TRPS1: variants seen among roughly 807,000 people sequenced by gnomAD.
The protein encoded by TRPS1 is zinc finger transcription factor Trps1.
Under a neutral mutation model 101.2 loss-of-function variants are expected in TRPS1, and 6 were observed. That is an observed-to-expected ratio of 0.06 (90% CI 0.03 to 0.12). The LOEUF is 0.12. Among genes scored for constraint, TRPS1 ranks in the 10% least tolerant of loss-of-function variants. The pLI, the probability that TRPS1 is intolerant of heterozygous loss-of-function variation, is 1.00. For synonymous variants in TRPS1, 578 were observed against 589.8 expected (o/e 0.98, Z 0.29); for missense variants, 1,363 against 1,567.0 (o/e 0.87, Z 2.20).
At position 115,492,370 on chromosome 8, in the gene TRPS1, ATATC is replaced by A. The variant is rs200481491; in HGVS notation, c.2701-73922_2701-73919del. On this transcript the variant is annotated intron_variant, in intron 5 of 6. Coordinates refer to ENST00000395715, the MANE Select transcript of TRPS1 (RefSeq NM_014112.5). ...GAACAGACAGGGTTCCAGTGTTAGA[ATATC>A]TAAACATTTTGTCAGAAATAGGGAG... The A allele has an allele frequency of 3.1e-3, 1,226 of 401,624 alleles. 19 individuals carry two copies. Among genetic ancestry groups the A allele is most frequent in the African/African-American group, 0.024 (1,153 of 48,012 alleles). 24.9% of individuals were successfully genotyped at this position (401,624 alleles called of 1,614,324 possible).
At chr8:115,490,211 T>G (rs778000335) in intron 5 of TRPS1, among the ~76,000 whole-genome samples, 14 of 152,140 alleles carry the variant, frequency 9.2e-5, no homozygotes, top group Non-Finnish European at 1.5e-4. Context: ...TTCTTAAATG[T>G]CTGAATTCTC....
intron 1 of TRPS1, among the ~76,000 whole-genome samples, chr8:115,635,093 TAAAAGA>T (rs1005455749): frequency 1.3e-5 from 2 of 152,154 alleles, no homozygotes; most frequent in African/African-American, 2.4e-5. Context: ...GCTAACCAGT[TAAAAGA>T]TAGCACTGTT....
chr8:115,548,393 A>G (rs900195564), intron 5 of TRPS1, among the ~76,000 whole-genome samples: 1 of 151,968 alleles, frequency 6.6e-6, no homozygotes, highest in Non-Finnish European at 1.5e-5. Context: ...GCTGGAGTGT[A>G]GTGGTGCAAT....
chr8:115,428,585 A>C (rs2129817123), intron 5 of TRPS1, among the ~76,000 whole-genome samples: 1 of 152,332 alleles, frequency 6.6e-6, no homozygotes, highest in African/African-American at 2.4e-5. Context: ...AAAACAGTTA[A>C]AAGAGTTAAT....
chr8:115,529,494 T>C (rs1048292254), intron 5 of TRPS1, among the ~76,000 whole-genome samples: 6 of 152,164 alleles, frequency 3.9e-5, no homozygotes, highest in African/African-American at 1.4e-4. Context: ...CTCTTAAGAA[T>C]TGATTTTACA....
intron 1 of TRPS1, among the ~76,000 whole-genome samples, chr8:115,659,375 T>TC (rs1273574905): frequency 6.6e-6 from 1 of 151,720 alleles, no homozygotes; most frequent in East Asian, 1.9e-4. Context: ...CTTAACATAT[T>TC]CCGTATTTTT....
chr8:115,450,342 T>A (rs1317519927), intron 5 of TRPS1, among the ~76,000 whole-genome samples: 1 of 152,200 alleles, frequency 6.6e-6, no homozygotes, highest in Non-Finnish European at 1.5e-5. Context: ...GGAGCTGCTC[T>A]GAATGGCACA....
Position 115,437,872 on chromosome 8 carries a change from G to A in TRPS1, c.2701-19420C>T, listed in dbSNP as rs150430812. Among the ~76,000 whole-genome samples the A allele has an allele frequency of 6.7e-4, 102 of 152,252 alleles. 1 individual carries two copies. Among genetic ancestry groups the A allele is most frequent in the African/African-American group, 2.0e-3 (85 of 41,552 alleles). On this transcript the variant is annotated intron_variant, in intron 5 of 6. Coordinates refer to ENST00000395715, the MANE Select transcript of TRPS1 (RefSeq NM_014112.5). The stretch of plus-strand genomic sequence containing the variant: ...GATACAGGTCGGAGTCATAGAGATC[G>A]TGAGACTACTTTCTATATTCTTTCT...
intron 5 of TRPS1, among the ~76,000 whole-genome samples, chr8:115,564,432 A>G (rs1297744115): frequency 6.6e-6 from 1 of 152,124 alleles, no homozygotes; most frequent in Non-Finnish European, 1.5e-5. Flanking sequence ...AAGCAAAACA[A>G]AACAAAAACA....
chr8:115,483,613 C>A (rs558745498), intron 5 of TRPS1, among the ~76,000 whole-genome samples: 1 of 151,988 alleles, frequency 6.6e-6, no homozygotes, highest in South Asian at 2.1e-4. Context: ...GAGATTTAAG[C>A]TCCAAGTGGT....
At chr8:115,610,592 C>T (rs531451791) in intron 3 of TRPS1, among the ~76,000 whole-genome samples, 9 of 152,240 alleles carry the variant, frequency 5.9e-5, no homozygotes, top group South Asian at 4.2e-4. Context: ...AGCCAACCAA[C>T]GGCAGGGGAG....
At chr8:115,662,893 A>AT (rs1811838105) in intron 1 of TRPS1, among the ~76,000 whole-genome samples, 1 of 152,102 alleles carries the variant, frequency 6.6e-6, no homozygotes, top group South Asian at 2.1e-4. Context: ...TGTCACATTT[A>AT]AACTTCCACA....
At chr8:115,632,087 T>C (rs560569444) in intron 1 of TRPS1, among the ~76,000 whole-genome samples, 1 of 152,242 alleles carries the variant, frequency 6.6e-6, no homozygotes, top group South Asian at 2.1e-4. Context: ...ACATTCTCTA[T>C]ATAGTGATAA....
At chr8:115,667,082 A>G (rs967053631) in intron 1 of TRPS1, among the ~76,000 whole-genome samples, 1 of 152,220 alleles carries the variant, frequency 6.6e-6, no homozygotes, top group African/African-American at 2.4e-5. Context: ...TTACTCAAAA[A>G]ACTTTCAAAG....
intron 5 of TRPS1, among the ~76,000 whole-genome samples, chr8:115,546,222 A>T (rs554669132): frequency 2.0e-5 from 3 of 151,756 alleles, no homozygotes; most frequent in Non-Finnish European, 4.4e-5. Context: ...CTTGCATTTA[A>T]TTAAATACAC....
At chr8:115,476,488 CT>C (rs907456826) in intron 5 of TRPS1, among the ~76,000 whole-genome samples, 1 of 152,140 alleles carries the variant, frequency 6.6e-6, no homozygotes, top group African/African-American at 2.4e-5. Context: ...GGAAGCATGG[CT>C]TCAGGCTCCC....
At chr8:115,589,688 G>A (rs539767059) in intron 4 of TRPS1, among the ~76,000 whole-genome samples, 28 of 152,262 alleles carry the variant, frequency 1.8e-4, no homozygotes, top group African/African-American at 6.0e-4. Context: ...TTATCAACAA[G>A]AGGAATAATC....
rs553058541 is a variant in TRPS1 at position 115,642,226 on chromosome 8, A to G, written c.-121-18468T>C. ...AAGACCCTATCTCAAAAAAAGAAAA[A>G]AAAAAGAAAAGAAACCTGTGTGTAT... On this transcript the variant is annotated intron_variant, in intron 1 of 6. Transcript: ENST00000395715. 0.027 allele frequency among the ~76,000 whole-genome samples: 35 copies of G among 1,304 alleles called. No individual in the cohort carries two copies. In the South Asian group the frequency reaches 0.29, roughly 11 times the overall value. 0.9% of individuals were successfully genotyped at this position (1,304 alleles called of 152,430 possible).
rs923275878 is a variant in TRPS1, at chr8:115,538,737, T to C, written c.2700+48264A>G. Among the ~76,000 whole-genome samples, 22 of 152,192 alleles carry C rather than the reference T, an allele frequency of 1.4e-4. 1 individual carries two copies. Among genetic ancestry groups the C allele is most frequent in the Non-Finnish European group, 3.2e-4 (22 of 68,020 alleles). ...TAATATTCTAATTTAGTATTTTCTA[T>C]TGTAATATTAAAAAATACTGAGAGA... On this transcript the variant is annotated intron_variant, in intron 5 of 6. Coordinates refer to ENST00000395715, the MANE Select transcript of TRPS1 (RefSeq NM_014112.5).
Sources: allele counts gnomAD v4.1 joint callset (sites outside exome capture counted in the v4.1 genomes callset), GRCh38; gene constraint gnomAD v4.1.1; transcripts MANE v1.5; gene names NCBI Gene and HGNC (gene_info 2026-07-23, HGNC 2026-07-21).